PALLD: variants seen among roughly 807,000 people sequenced by gnomAD.
The protein encoded by PALLD is palladin, cytoskeletal associated protein.
A neutral mutation model predicts 123.5 loss-of-function variants in PALLD; 61 were observed. That is an observed-to-expected ratio of 0.49 (90% confidence interval 0.40 to 0.61). The LOEUF is 0.61. Among genes scored for constraint, PALLD ranks in the 20% least tolerant of loss-of-function variants. The pLI is 0.00. For missense variants in PALLD, 1,273 were observed against 1,377.0 expected, an observed-to-expected ratio of 0.92 and a Z score of 1.20; for synonymous variants, 465 against 496.4, an observed-to-expected ratio of 0.94 and a Z score of 0.84.
At chr4:168,552,080 C>T (rs1766794992) in intron 2 of PALLD, among the ~76,000 whole-genome samples, 1 of 152,110 alleles carries the variant, frequency 6.6e-6, no homozygotes, top group African/African-American at 2.4e-5. Flanking sequence ...TAAGGTAAAT[C>T]TCTAGTGTCA....
intron 10 of PALLD, among the ~76,000 whole-genome samples, chr4:168,731,853 T>G (rs1238167184): frequency 6.6e-6 from 1 of 152,228 alleles, no homozygotes; most frequent in African/African-American, 2.4e-5. Flanking sequence ...GGGAAGTAGC[T>G]GATACCAGGC....
At chr4:168,543,223 A>G (rs912057924) in intron 2 of PALLD, among the ~76,000 whole-genome samples, 1 of 152,100 alleles carries the variant, frequency 6.6e-6, no homozygotes, top group African/African-American at 2.4e-5. Context: ...TGTAAAATGG[A>G]GACGATACTA....
At chr4:168,824,002 C>A (rs1451270553) in intron 10 of PALLD, among the ~76,000 whole-genome samples, 1 of 152,146 alleles carries the variant, frequency 6.6e-6, no homozygotes, top group African/African-American at 2.4e-5. Flanking sequence ...ACTTGTACCA[C>A]CCACAAATGA....
At position 168,687,380 on chromosome 4, in the gene PALLD, A is replaced by G. The variant is rs1271465607; in HGVS notation, c.1335+1821A>G. Among the ~76,000 whole-genome samples the G allele has an allele frequency of 2.0e-5, 3 of 152,316 alleles. No homozygotes were observed. In the East Asian group the frequency reaches 5.8e-4, roughly 29 times the overall value. On this transcript the variant is annotated intron_variant, in intron 6 of 21. Coordinates refer to ENST00000505667, the MANE Select transcript of PALLD (RefSeq NM_001166108.2). ...TGATAACCAATGAAGTCTTCCTTTG[A>G]TGTTTAGAACAGAAAATGTTTACAG...
chr4:168,737,380 A>G (rs1005882855), intron 10 of PALLD, among the ~76,000 whole-genome samples: 2 of 152,182 alleles, frequency 1.3e-5, no homozygotes, highest in African/African-American at 4.8e-5. Context: ...GTAAGAAACT[A>G]AAGAAAACAC....
intron 5 of PALLD, 41 bp downstream of exon 5, chr4:168,683,144 C>T: frequency 9.2e-7 from 1 of 1,087,114 alleles, no homozygotes; most frequent in East Asian, 2.4e-5. Context: ...GGGTCGAACT[C>T]ATCAGCAAAC....
At chr4:168,721,173 T>G (rs977850886) in intron 10 of PALLD, among the ~76,000 whole-genome samples, 1 of 152,240 alleles carries the variant, frequency 6.6e-6, no homozygotes, top group African/African-American at 2.4e-5. Flanking sequence ...CATGAAGGAA[T>G]ACATGATGAT....
At chr4:168,501,162 C>T (rs192156480) in intron 1 of PALLD, among the ~76,000 whole-genome samples, 15 of 152,184 alleles carry the variant, frequency 9.9e-5, no homozygotes, top group African/African-American at 3.6e-4. Context: ...CCTGTAATCC[C>T]AGCAACTCAG....
chr4:168,610,435 C>T (rs1234520724), intron 2 of PALLD, among the ~76,000 whole-genome samples: 1 of 152,182 alleles, frequency 6.6e-6, no homozygotes, highest in South Asian at 2.1e-4. Context: ...AATGGGTGAC[C>T]CTGTCCCTAG....
At chr4:168,578,327 T>C (rs545116079) in intron 2 of PALLD, among the ~76,000 whole-genome samples, 2 of 152,210 alleles carry the variant, frequency 1.3e-5, no homozygotes, top group African/African-American at 4.8e-5. Flanking sequence ...TCACGTGTCA[T>C]AGGAGGGACC....
intron 2 of PALLD, among the ~76,000 whole-genome samples, chr4:168,653,304 T>C (rs1778236128): frequency 6.6e-6 from 1 of 152,218 alleles, no homozygotes. Flanking sequence ...CTAAAGGCTA[T>C]AGGGAGACTA....
At chr4:168,690,873 T>A in intron 7 of PALLD, 129 bp downstream of exon 7, 1 of 974,634 alleles carries the variant, frequency 1.0e-6, no homozygotes, top group Non-Finnish European at 1.6e-6. Context: ...TCAGATAATC[T>A]ACAGTGTGTT....
rs2126616657 is a variant in PALLD at position 168,926,199 on chromosome 4, C to G, written c.*33-14C>G. On this transcript the variant is annotated splice_polypyrimidine_tract_variant and intron_variant, in intron 21 of 21. Transcript: ENST00000505667. ...TCTTGATTAAAAATCTTAATTTACT[C>G]TTTTTCTTTGTAGCCCAGTGGCATC... The G allele has an allele frequency of 6.6e-7, 1 of 1,504,494 alleles. No homozygotes were observed. Among genetic ancestry groups the G allele is most frequent in the Non-Finnish European group, 8.8e-7 (1 of 1,131,048 alleles). 93.2% of individuals were successfully genotyped at this position (1,504,494 alleles called of 1,614,324 possible).
intron 2 of PALLD, among the ~76,000 whole-genome samples, chr4:168,605,297 A>G (rs1220986371): frequency 1.3e-5 from 2 of 152,050 alleles, no homozygotes; most frequent in South Asian, 4.1e-4. Flanking sequence ...TGGACCAACT[A>G]GATAGAATCT....
At chr4:168,879,880 T>G (rs1164421477) in intron 10 of PALLD, among the ~76,000 whole-genome samples, 1 of 152,230 alleles carries the variant, frequency 6.6e-6, no homozygotes, top group African/African-American at 2.4e-5. Flanking sequence ...CTTTGAGCTT[T>G]TATTTAGCTG....
chr4:168,813,554 C>A (rs1317242672), intron 10 of PALLD, among the ~76,000 whole-genome samples: 1 of 152,126 alleles, frequency 6.6e-6, no homozygotes, highest in Non-Finnish European at 1.5e-5. Context: ...AACTCCTGGA[C>A]TCAAGCAATC....
chr4:168,627,994 GA>G (rs1373131882), intron 2 of PALLD, among the ~76,000 whole-genome samples: 1 of 152,214 alleles, frequency 6.6e-6, no homozygotes, highest in Non-Finnish European at 1.5e-5. Flanking sequence ...AGGCCGTGGG[GA>G]AACAAGCACC....
At chr4:168,798,507 G>A (rs991730299) in intron 10 of PALLD, among the ~76,000 whole-genome samples, 2 of 151,994 alleles carry the variant, frequency 1.3e-5, no homozygotes, top group African/African-American at 4.8e-5. Context: ...TTTTCTTACC[G>A]CTTCTACTAT....
At position 168,714,025 on chromosome 4, in the gene PALLD, G is replaced by A. The variant is rs181494668; in HGVS notation, c.1964+2102G>A. 1.4e-3 allele frequency among the ~76,000 whole-genome samples: 157 copies of A among 115,950 alleles called. 2 individuals are homozygous for A. The South Asian group carries it at 0.035, about 26-fold the overall frequency. 76.1% of individuals were successfully genotyped at this position (115,950 alleles called of 152,430 possible). A position where few individuals can be genotyped will look rare whatever the true frequency, so the allele number is the denominator to read the frequency against. On this transcript the variant is annotated intron_variant, in intron 10 of 21. Coordinates refer to ENST00000505667, the MANE Select transcript of PALLD (RefSeq NM_001166108.2). ...GGAATCACTTGATTTTTGTTTTTTCGTGTTGCATATTTACCTGCCATTTAA... is the reference window on the plus strand; with the variant it reads ...GGAATCACTTGATTTTTGTTTTTTCATGTTGCATATTTACCTGCCATTTAA...
Sources: gnomAD v4.1 joint callset for allele counts (sites outside exome capture counted in the v4.1 genomes callset) on GRCh38, gnomAD v4.1.1 for gene constraint, MANE v1.5 for transcripts, NCBI Gene and HGNC (gene_info 2026-07-23, HGNC 2026-07-21) for gene names.